LDLRAD4: variants seen among roughly 807,000 people sequenced by gnomAD.
LDLRAD4 encodes the protein low-density lipoprotein receptor class A domain-containing protein 4.
LDLRAD4 carries 5 observed loss-of-function variants against 17.0 expected under a neutral mutation model. The observed-to-expected ratio is 0.29, with a 90% CI of 0.15 to 0.62. The LOEUF (loss-of-function observed/expected upper bound fraction) is 0.62. Among genes scored for constraint, LDLRAD4 ranks in the 20% least tolerant of loss-of-function variants. LDLRAD4 has a pLI of 0.84. For synonymous variants in LDLRAD4, 168 were observed against 171.8 expected (o/e 0.98, Z 0.17); for missense variants, 340 against 424.7 (o/e 0.80, Z 1.75).
chr18:13,296,772 C>T (rs1476168067), intron 1 of LDLRAD4, among the ~76,000 whole-genome samples: 1 of 152,172 alleles, frequency 6.6e-6, no homozygotes, highest in Non-Finnish European at 1.5e-5. Context: ...ATCCATTCTG[C>T]CACTATTTTC....
At position 13,398,487 on chromosome 18, in the gene LDLRAD4, A is replaced by T. The variant is rs1393018753; in HGVS notation, c.40+10725A>T. ...AAATTGCTGAAATACCATTGAGCTTATCAGAAGAGCTCAGATTTGAGTGTG... is the reference window on the plus strand; with the variant it reads ...AAATTGCTGAAATACCATTGAGCTTTTCAGAAGAGCTCAGATTTGAGTGTG... On this transcript the variant is annotated intron_variant, in intron 2 of 5. Coordinates refer to ENST00000359446, the Ensembl canonical transcript of LDLRAD4. The surrounding 1 kb of genome is among the most constrained non-coding windows in gnomAD (Gnocchi z 4.8). 6.6e-6 allele frequency among the ~76,000 whole-genome samples: 1 copy of T among 152,192 alleles called. No individual in the cohort carries two copies. The highest frequency in any genetic ancestry group is 1.5e-5 in the Non-Finnish European group (1 of 68,034).
Position 13,317,846 on chromosome 18 carries a change from A to G in LDLRAD4, c.-383+39658A>G, listed in dbSNP as rs567310046. On this transcript the variant is annotated intron_variant, in intron 1 of 5. Coordinates refer to ENST00000359446, the Ensembl canonical transcript of LDLRAD4. ...TATTTCTATTTTTGTATTTTCTCCA[A>G]TGAACGTTTGTTACTCCTATAATAA... Among the ~76,000 whole-genome samples, 8 of 152,324 alleles carry G rather than the reference A, an allele frequency of 5.3e-5. No individual in the cohort carries two copies. The South Asian group carries it at 1.7e-3, about 32-fold the overall frequency.
rs943310599 is a variant in LDLRAD4 at position 13,284,372 on chromosome 18, A to G, written c.-383+6184A>G. Among the ~76,000 whole-genome samples the G allele has an allele frequency of 2.0e-5, 3 of 152,122 alleles. No individual in the cohort carries two copies. In the East Asian group the frequency reaches 5.8e-4, roughly 29 times the overall value. The stretch of plus-strand genomic sequence containing the variant: ...ATTAGAGTTTATTAGTTTCTCATCA[A>G]GCAGACCTGTGGAGTCATATGGGAT... On this transcript the variant is annotated intron_variant, in intron 1 of 5. Transcript: ENST00000359446.
intron 1 of LDLRAD4, among the ~76,000 whole-genome samples, chr18:13,342,603 G>GT (rs1342979349): frequency 6.9e-6 from 1 of 144,102 alleles, no homozygotes; most frequent in Admixed American, 7.2e-5. Context: ...CCTTATAATA[G>GT]TTTTTTAACT....
At chr18:13,379,115 T>C (rs1258302244) in intron 1 of LDLRAD4, among the ~76,000 whole-genome samples, 1 of 152,238 alleles carries the variant, frequency 6.6e-6, no homozygotes, top group African/African-American at 2.4e-5. Flanking sequence ...AAACTGAGGC[T>C]CAGGGGCTTT....
intron 3 of LDLRAD4, among the ~76,000 whole-genome samples, chr18:13,481,913 C>T (rs549607267): frequency 6.6e-6 from 1 of 152,146 alleles, no homozygotes; most frequent in East Asian, 1.9e-4. Context: ...AGGGGGAAGG[C>T]AGAAGGCTCA....
intron 2 of LDLRAD4, among the ~76,000 whole-genome samples, chr18:13,423,033 T>C (rs1021095164): frequency 1.3e-5 from 2 of 152,206 alleles, no homozygotes; most frequent in African/African-American, 4.8e-5. Flanking sequence ...TTAGCCTGCA[T>C]TGAGCCTGGG....
chr18:13,447,715 G>A (rs2091511565), intron 3 of LDLRAD4, among the ~76,000 whole-genome samples: 1 of 152,230 alleles, frequency 6.6e-6, no homozygotes, highest in South Asian at 2.1e-4. Flanking sequence ...GTAATTTTCA[G>A]TGTCAGATTC....
intron 3 of LDLRAD4, among the ~76,000 whole-genome samples, chr18:13,478,228 C>G (rs994556522): frequency 1.3e-5 from 2 of 152,190 alleles, no homozygotes; most frequent in Non-Finnish European, 2.9e-5. Flanking sequence ...CATGCTGACT[C>G]TTGGATTCCA....
chr18:13,296,682 C>T (rs1203578487), intron 1 of LDLRAD4, among the ~76,000 whole-genome samples: 1 of 151,630 alleles, frequency 6.6e-6, no homozygotes, highest in Non-Finnish European at 1.5e-5. Context: ...TGGCCATAAA[C>T]AGCCTTTTAT....
chr18:13,566,972 G>A (rs983003046), intron 3 of LDLRAD4, among the ~76,000 whole-genome samples: 2 of 152,192 alleles, frequency 1.3e-5, no homozygotes, highest in Non-Finnish European at 1.5e-5. Context: ...ATGGGGAAGC[G>A]AAGCCCAGCC....
intron 3 of LDLRAD4, among the ~76,000 whole-genome samples, chr18:13,513,066 G>A (rs909291278): frequency 6.6e-6 from 1 of 152,214 alleles, no homozygotes; most frequent in Admixed American, 6.5e-5. Flanking sequence ...ACTGCCCAGA[G>A]GGCCAGCACC....
intron 3 of LDLRAD4, chr18:13,489,339 G>A (rs1313632030): frequency 2.6e-5 from 4 of 152,156 alleles, no homozygotes; most frequent in African/African-American, 9.7e-5. Flanking sequence ...TTTTAGTAGA[G>A]ACAGTGTTTC....
intron 3 of LDLRAD4, chr18:13,611,526 T>C: frequency 1.0e-6 from 1 of 985,308 alleles, no homozygotes; most frequent in East Asian, 1.1e-4. Flanking sequence ...ACAAACTGTT[T>C]AGACCTCGGG....
intron 3 of LDLRAD4, among the ~76,000 whole-genome samples, chr18:13,532,891 G>A (rs932900629): frequency 6.6e-6 from 1 of 152,240 alleles, no homozygotes; most frequent in Non-Finnish European, 1.5e-5. Flanking sequence ...CAGGGGCCCT[G>A]TCCTGGGCAG....
chr18:13,296,672 TG>T (rs1486031817), intron 1 of LDLRAD4, among the ~76,000 whole-genome samples: 1 of 151,930 alleles, frequency 6.6e-6, no homozygotes, highest in Non-Finnish European at 1.5e-5. Context: ...CCACAGAACC[TG>T]GCCATAAACA....
chr18:13,284,593 A>G (rs763057365), intron 1 of LDLRAD4, among the ~76,000 whole-genome samples: 17 of 151,972 alleles, frequency 1.1e-4, no homozygotes, highest in Non-Finnish European at 2.5e-4. Flanking sequence ...TGGTGTGTGT[A>G]TTTTTCCGTG....
At chr18:13,603,800 C>T (rs12457630) in intron 3 of LDLRAD4, among the ~76,000 whole-genome samples, 4,222 of 152,338 alleles carry the variant, frequency 0.028, 107 homozygotes, top group African/African-American at 0.07. Flanking sequence ...CTCACGACCC[C>T]GCTAGCTCTT....
At chr18:13,254,181 G>A (rs566645580) in intron 1 of LDLRAD4, among the ~76,000 whole-genome samples, 4 of 152,354 alleles carry the variant, frequency 2.6e-5, no homozygotes, top group Admixed American at 2.0e-4. Context: ...GTGTCGCGCC[G>A]TGAAGGCAGA....
Sources: allele counts gnomAD v4.1 joint callset (sites outside exome capture counted in the v4.1 genomes callset), GRCh38; gene constraint gnomAD v4.1.1; non-coding constraint Gnocchi (gnomAD v3.1); transcripts MANE v1.5; gene names NCBI Gene and HGNC (gene_info 2026-07-23, HGNC 2026-07-21).